MCF2L: variants seen among roughly 807,000 people sequenced by gnomAD.
The protein encoded by MCF2L is guanine nucleotide exchange factor DBS.
In MCF2L, 97 loss-of-function variants were observed where a neutral mutation model predicts 153.4. The ratio of observed to expected loss-of-function variants is 0.63; its 90% CI spans 0.54 to 0.75. The LOEUF (loss-of-function observed/expected upper bound fraction) is 0.75, where lower values mean the gene tolerates loss of function less well. Ranked by LOEUF, MCF2L falls within the 30% of genes least tolerant of loss-of-function variation. The pLI is 0.00. For missense variants in MCF2L, 1,347 were observed against 1,495.2 expected (o/e 0.90, Z 1.64); for synonymous variants, 659 against 632.2 (o/e 1.04, Z -0.64).
chr13:113,029,571 A>G (rs900092028), intron 3 of MCF2L, among the ~76,000 whole-genome samples: 1 of 152,198 alleles, frequency 6.6e-6, no homozygotes, highest in African/African-American at 2.4e-5. Context: ...GGCTAGTGAC[A>G]AGGAGGAGAC....
intron 7 of MCF2L, 128 bp downstream of exon 7, chr13:113,065,213 AC>A: frequency 8.7e-7 from 1 of 1,148,726 alleles, no homozygotes; most frequent in Non-Finnish European, 1.3e-6. Flanking sequence ...AGCACGTAAG[AC>A]CAAGAAGTCA....
At chr13:112,973,171 G>T (rs1050727910) in intron 1 of MCF2L, among the ~76,000 whole-genome samples, 1 of 152,122 alleles carries the variant, frequency 6.6e-6, no homozygotes, top group Non-Finnish European at 1.5e-5. Context: ...GGTTTCTGAC[G>T]GACGCCTTAG....
rs2085682911 is a variant in MCF2L, at chr13:113,031,161, A to AAGAGAC, written c.278+6409_278+6414dup. Among the ~76,000 whole-genome samples the AAGAGAC allele has an allele frequency of 1.4e-5, 2 of 144,982 alleles. No homozygotes were observed. The highest frequency in any genetic ancestry group is 3.0e-5 in the Non-Finnish European group (2 of 65,810). ...GACAGAGACAGAGAGAGACAGAGAG[A>AAGAGAC]AGAGACAGAGAGTGACAGACAGAGA... On this transcript the variant is annotated intron_variant, in intron 3 of 29. Transcript: ENST00000535094. This position sits in a 1 kb window ranked among gnomAD's most constrained non-coding sequence, Gnocchi z 5.5.
intron 1 of MCF2L, among the ~76,000 whole-genome samples, chr13:112,998,399 G>T (rs1050588176): frequency 6.6e-6 from 1 of 152,220 alleles, no homozygotes; most frequent in Admixed American, 6.5e-5. Context: ...GGCCGGGGCT[G>T]TTGGGGAAAT....
Position 112,969,501 on chromosome 13 carries a change from G to A in MCF2L, c.79+43G>A. On this transcript the variant is annotated intron_variant, in intron 1 of 29. Transcript: ENST00000535094. The surrounding 1 kb of genome is among the most constrained non-coding windows in gnomAD (Gnocchi z 4.8). ...CCGTCAGTGATCTGTGCTTAAGCTT[G>A]ACATCATGGGCTGAAATGTGGGGAA... 1 of 1,549,210 alleles carries A rather than the reference G, an allele frequency of 6.5e-7. No individual in the cohort carries two copies. Among genetic ancestry groups the A allele is most frequent in the Non-Finnish European group, 8.7e-7 (1 of 1,146,048 alleles).
intron 2 of MCF2L, among the ~76,000 whole-genome samples, chr13:112,921,449 C>G (rs538905278): frequency 6.6e-6 from 1 of 152,270 alleles, no homozygotes; most frequent in Admixed American, 6.5e-5. Flanking sequence ...TTTAGTAAAT[C>G]AGAGTCTATA....
rs913530336 is a variant in MCF2L, at chr13:112,941,024, G to T, written c.169+38653G>T. On this transcript the variant is annotated intron_variant, in intron 2 of 29. Transcript: ENST00000375608. The surrounding 1 kb of genome is among the most constrained non-coding windows in gnomAD (Gnocchi z 4.9). ...CAGAGTGAGTGAATCAGACACATGG[G>T]CTCTGGATGTGAAATCCACCTAGCA... 6.6e-6 allele frequency among the ~76,000 whole-genome samples: 1 copy of T among 152,156 alleles called. No homozygotes were observed. Among genetic ancestry groups the T allele is most frequent in the Non-Finnish European group, 1.5e-5 (1 of 68,032 alleles).
intron 2 of MCF2L, among the ~76,000 whole-genome samples, chr13:113,015,325 G>T (rs959473753): frequency 1.3e-5 from 2 of 152,234 alleles, no homozygotes; most frequent in Admixed American, 6.5e-5. Flanking sequence ...TACAGCAAGG[G>T]CACCTGCAGT....
intron 2 of MCF2L, among the ~76,000 whole-genome samples, chr13:112,926,105 C>T (rs992631581): frequency 7.2e-5 from 11 of 152,204 alleles, no homozygotes; most frequent in African/African-American, 2.4e-4. Context: ...GAACATGGTC[C>T]GTATCCACAG....
rs1460131730 is a variant in MCF2L, at chr13:113,064,850, AC to A, written c.607-85del. 6.8e-7 allele frequency: 1 copy of A among 1,480,804 alleles called. No individual in the cohort carries two copies. Among genetic ancestry groups the A allele is most frequent in the Non-Finnish European group, 9.2e-7 (1 of 1,089,490 alleles). The allele number at this position is 1,480,804 out of a possible 1,614,324, so 91.7% of individuals were successfully genotyped here. ...TCTCACCTGATGGGTCTGTGTGGGA[AC>A]GGTTTCCGCCGGTGTCTGCTTTCAG... On this transcript the variant is annotated intron_variant, in intron 6 of 29. Coordinates refer to ENST00000535094, the MANE Select transcript of MCF2L (RefSeq NM_001112732.3). This position sits in a 1 kb window ranked among gnomAD's most constrained non-coding sequence, Gnocchi z 6.0.
At chr13:112,908,279 C>A (rs567506683) in intron 2 of MCF2L, among the ~76,000 whole-genome samples, 68 of 152,328 alleles carry the variant, frequency 4.5e-4, no homozygotes, top group African/African-American at 1.6e-3. Context: ...ACCGCCCCAG[C>A]TTGCACAGGG....
At chr13:113,024,352 T>TAA (rs11414130) in intron 2 of MCF2L, among the ~76,000 whole-genome samples, 1 of 152,022 alleles carries the variant, frequency 6.6e-6, no homozygotes, top group Non-Finnish European at 1.5e-5. Flanking sequence ...TCAACAAGGT[T>TAA]AAAAAAGCCC....
At chr13:112,894,477 G>A (rs938006174) in intron 1 of MCF2L, 2 of 151,682 alleles carry the variant, frequency 1.3e-5, no homozygotes, top group Non-Finnish European at 2.9e-5. Context: ...GGTGACGGGA[G>A]GGGGCGCGGG....
In MCF2L at chr13:113,064,879, C is replaced by G; in HGVS notation, c.607-57C>G. 1 of 1,559,956 alleles carries G rather than the reference C, an allele frequency of 6.4e-7. No homozygotes were observed. The highest frequency in any genetic ancestry group is 8.7e-7 in the Non-Finnish European group (1 of 1,148,742). On this transcript the variant is annotated intron_variant, in intron 6 of 29. Transcript: ENST00000535094. The surrounding 1 kb of genome is among the most constrained non-coding windows in gnomAD (Gnocchi z 6.0). ...TTTCCGCCGGTGTCTGCTTTCAGGG[C>G]AGCAGGAGGTGGGTGCAGTGCACAA...
At chr13:113,036,616 G>A (rs781722158) in intron 3 of MCF2L, among the ~76,000 whole-genome samples, 2 of 152,236 alleles carry the variant, frequency 1.3e-5, no homozygotes, top group African/African-American at 4.8e-5. Context: ...AGAAGGACGC[G>A]CTGTCCCGGC....
chr13:113,020,098 T>A (rs2084782339), intron 2 of MCF2L, among the ~76,000 whole-genome samples: 1 of 152,252 alleles, frequency 6.6e-6, no homozygotes, highest in African/African-American at 2.4e-5. Flanking sequence ...CAGAATGTGA[T>A]GCCTTCTTGA....
upstream of MCF2L, chr13:112,965,823 G>A (rs554516504): frequency 6.6e-6 from 1 of 152,232 alleles, no homozygotes; most frequent in South Asian, 2.1e-4. Flanking sequence ...GGCGCCTCTG[G>A]TTCCCGGGAG....
rs560164559 is a variant in MCF2L at position 113,090,054 on chromosome 13, C to T, written c.2953+326C>T. The T allele has an allele frequency of 1.6e-5, 25 of 1,573,896 alleles. No homozygotes were observed. In the African/African-American group the frequency reaches 2.7e-4, roughly 17 times the overall value. On this transcript the variant is annotated intron_variant, in intron 26 of 29. Coordinates refer to ENST00000535094, the MANE Select transcript of MCF2L (RefSeq NM_001112732.3). Reference sequence around the variant, plus strand: ...GCGATGCCCTCTGCATAGTTTCTTTCTCTTCCTTCATAGATGACACGGTCA... The same window carrying T: ...GCGATGCCCTCTGCATAGTTTCTTTTTCTTCCTTCATAGATGACACGGTCA...
intron 13 of MCF2L, among the ~76,000 whole-genome samples, 195 bp from the exon 14 acceptor site, chr13:113,078,168 A>C (rs553824377): frequency 2.6e-4 from 37 of 139,984 alleles, no homozygotes; most frequent in African/African-American, 9.1e-4. Flanking sequence ...CCACGCCACC[A>C]CCTGTGGCCC....
Sources: allele counts gnomAD v4.1 joint callset (sites outside exome capture counted in the v4.1 genomes callset), GRCh38; gene constraint gnomAD v4.1.1; non-coding constraint Gnocchi (gnomAD v3.1); transcripts MANE v1.5; gene names NCBI Gene and HGNC (gene_info 2026-07-23, HGNC 2026-07-21).